Variants in ZNF33A observed in about 807,000 individuals in gnomAD.
The protein encoded by ZNF33A is zinc finger protein 33A.
Under a neutral mutation model 15.9 loss-of-function variants are expected in ZNF33A, and 9 were observed. The observed-to-expected ratio is 0.57, with a 90% confidence interval of 0.34 to 0.99. The LOEUF is 0.99. Among genes scored for constraint, ZNF33A ranks in the 50% least tolerant of loss-of-function variants. ZNF33A has a pLI of 0.02. For synonymous variants in ZNF33A, 294 were observed against 324.2 expected (o/e 0.91, Z 1.00); for missense variants, 843 against 941.6 (o/e 0.90, Z 1.37).
chr10:38,010,876 A>G (rs2064138270), intron 1 of ZNF33A, 93 bp downstream of exon 1: 3 of 1,488,140 alleles, frequency 2.0e-6, no homozygotes, highest in Non-Finnish European at 2.8e-6. Context: ...GGTGGGGAGG[A>G]GGCCCGGGGA....
Position 38,057,162 on chromosome 10 carries a change from T to C in ZNF33A, c.*602T>C. On this transcript the variant is annotated 3_prime_UTR_variant, in exon 5 of 5. Coordinates refer to ENST00000432900, the MANE Select transcript of ZNF33A (RefSeq NM_006954.2). The stretch of plus-strand genomic sequence containing the variant: ...TGTGTGTGTGGTTATATCAAACTTT[T>C]ACGACTTTTACATTTGAGTAACCAT... 1.0e-6 allele frequency: 1 copy of C among 958,974 alleles called. No homozygotes were observed. Among genetic ancestry groups the C allele is most frequent in the Non-Finnish European group, 1.2e-6 (1 of 805,510 alleles). The allele number at this position is 958,974 out of a possible 1,614,324, so 59.4% of individuals were successfully genotyped here. A position where few individuals can be genotyped will look rare whatever the true frequency, so the allele number is the denominator to read the frequency against.
downstream of ZNF33A, among the ~76,000 whole-genome samples, chr10:38,065,711 C>T (rs568704389): frequency 6.7e-6 from 1 of 149,316 alleles, no homozygotes; most frequent in Non-Finnish European, 1.5e-5. Context: ...CCATGGGACA[C>T]ACTTTTTTTT....
chr10:38,049,166 T>G (rs1400515655), intron 4 of ZNF33A, among the ~76,000 whole-genome samples: 1 of 152,166 alleles, frequency 6.6e-6, no homozygotes, highest in Admixed American at 6.5e-5. Flanking sequence ...TGAATATACT[T>G]CTACATAATG....
At chr10:38,046,017 G>A (rs1474234144) in intron 4 of ZNF33A, among the ~76,000 whole-genome samples, 2 of 152,074 alleles carry the variant, frequency 1.3e-5, no homozygotes, top group African/African-American at 2.4e-5. Flanking sequence ...GGTTTCTTTT[G>A]GAATCTCTTC....
chr10:38,066,835 G>A (rs1474833847), downstream of ZNF33A, among the ~76,000 whole-genome samples: 1 of 152,100 alleles, frequency 6.6e-6, no homozygotes, highest in Non-Finnish European at 1.5e-5. Context: ...GGGAGGGTAA[G>A]GGATGAGAAT....
At chr10:38,025,636 T>G (rs2064952527) in intron 4 of ZNF33A, among the ~76,000 whole-genome samples, 1 of 152,230 alleles carries the variant, frequency 6.6e-6, no homozygotes, top group Admixed American at 6.5e-5. Context: ...GGAAATAAAC[T>G]TCTGTTGTTT....
At chr10:38,036,511 A>G (rs1472541234) in intron 4 of ZNF33A, among the ~76,000 whole-genome samples, 2 of 152,190 alleles carry the variant, frequency 1.3e-5, no homozygotes, top group Admixed American at 1.3e-4. Context: ...TATCATGTCA[A>G]TTGATGGACA....
In ZNF33A at chr10:38,019,435, G is replaced by T. The variant is rs190070260; in HGVS notation, c.250+2049G>T. ...AGTCTTTGCTATTGTGAATAGTGCC[G>T]CTATAAACATACGTGTGCATGTGTC... On this transcript the variant is annotated intron_variant, in intron 4 of 4. Transcript: ENST00000432900. Among the ~76,000 whole-genome samples, 3 of 152,006 alleles carry T rather than the reference G, an allele frequency of 2.0e-5. No individual in the cohort carries two copies. In the East Asian group the frequency reaches 5.8e-4, roughly 29 times the overall value.
chr10:38,019,856 A>G (rs943392043), intron 4 of ZNF33A, among the ~76,000 whole-genome samples: 6 of 152,164 alleles, frequency 3.9e-5, no homozygotes, highest in African/African-American at 1.4e-4. Context: ...ATCATTTTTG[A>G]TGGTTGGAGC....
chr10:38,043,029 T>G (rs1300457645), intron 4 of ZNF33A, among the ~76,000 whole-genome samples: 1 of 152,234 alleles, frequency 6.6e-6, no homozygotes, highest in East Asian at 1.9e-4. Context: ...GGATTTGAAC[T>G]AGTGTTTGAA....
chr10:38,012,923 C>G (rs2064261924), intron 2 of ZNF33A, among the ~76,000 whole-genome samples: 1 of 152,112 alleles, frequency 6.6e-6, no homozygotes, highest in South Asian at 2.1e-4. Context: ...TCTGAAGGCA[C>G]AAAGACTTCC....
At chr10:38,051,606 C>T (rs2135745024) in intron 4 of ZNF33A, among the ~76,000 whole-genome samples, 1 of 151,312 alleles carries the variant, frequency 6.6e-6, no homozygotes, top group Non-Finnish European at 1.5e-5. Context: ...ATATTAAAAA[C>T]TATTAGTAAT....
chr10:38,056,689 ATAACACCT>A lies in ZNF33A; in HGVS notation c.*132_*139del. On this transcript the variant is annotated 3_prime_UTR_variant, in exon 5 of 5. Transcript: ENST00000432900. ...GTAATATCAGATGGTTAATACGGGCATAACACCTTACAGATTTTTTTTGAATTTGTGAA... is the reference window on the plus strand; with the variant it reads ...GTAATATCAGATGGTTAATACGGGCATACAGATTTTTTTTGAATTTGTGAA... 1 of 1,295,744 alleles carries A rather than the reference ATAACACCT, an allele frequency of 7.7e-7. No individual in the cohort carries two copies. The highest frequency in any genetic ancestry group is 9.8e-7 in the Non-Finnish European group (1 of 1,022,110). 80.3% of individuals were successfully genotyped at this position (1,295,744 alleles called of 1,614,324 possible). A position where few individuals can be genotyped will look rare whatever the true frequency, so the allele number is the denominator to read the frequency against.
At chr10:38,017,190 T>G in intron 3 of ZNF33A, 101 bp from the exon 4 acceptor site, 1 of 1,396,194 alleles carries the variant, frequency 7.2e-7, no homozygotes, top group South Asian at 1.3e-5. Flanking sequence ...AGTGAAAATG[T>G]TCCACTGGCA....
At chr10:38,066,642 CACTT>C (rs959585972), downstream of ZNF33A, among the ~76,000 whole-genome samples, 31 of 151,752 alleles carry the variant, frequency 2.0e-4, no homozygotes, top group African/African-American at 7.3e-4. Flanking sequence ...CACATAAAAA[CACTT>C]AGTAGAGGCC....
At chr10:38,049,060 CAT>C (rs1343300617) in intron 4 of ZNF33A, among the ~76,000 whole-genome samples, 1 of 152,002 alleles carries the variant, frequency 6.6e-6, no homozygotes, top group Admixed American at 6.6e-5. Flanking sequence ...GGATTGAAGT[CAT>C]ATAGAGTATT....
In ZNF33A at chr10:38,059,105, G is replaced by C. The variant is rs1017052478; in HGVS notation, c.*2545G>C. ...CCATTGCATGCATTAGCAGCTCAAA[G>C]ATGAAATACGATCATATCAATAGGT... On this transcript the variant is annotated 3_prime_UTR_variant, in exon 5 of 5. Transcript: ENST00000432900. The C allele has an allele frequency of 2.0e-5, 3 of 152,192 alleles. No homozygotes were observed. Among genetic ancestry groups the C allele is most frequent in the South Asian group, 4.1e-4 (2 of 4,834 alleles). The allele number at this position is 152,192 out of a possible 1,614,324, so 9.4% of individuals were successfully genotyped here.
chr10:38,030,263 T>A (rs2065155021), intron 4 of ZNF33A, among the ~76,000 whole-genome samples: 1 of 152,214 alleles, frequency 6.6e-6, no homozygotes, highest in African/African-American at 2.4e-5. Flanking sequence ...CATTTATCCT[T>A]GAGAAATAAA....
At chr10:38,027,194 T>C (rs2065022913) in intron 4 of ZNF33A, among the ~76,000 whole-genome samples, 1 of 152,080 alleles carries the variant, frequency 6.6e-6, no homozygotes, top group Non-Finnish European at 1.5e-5. Context: ...CTTTTTTTTT[T>C]TAACATTGAT....
Sources: gnomAD v4.1 joint callset for allele counts (sites outside exome capture counted in the v4.1 genomes callset) on GRCh38, gnomAD v4.1.1 for gene constraint, MANE v1.5 for transcripts, NCBI Gene and HGNC (gene_info 2026-07-23, HGNC 2026-07-21) for gene names.